Variants in NRXN1 observed in about 807,000 individuals in gnomAD.
NRXN1 encodes the protein neurexin-1.
In NRXN1, 39 loss-of-function variants were observed where a neutral mutation model predicts 150.9. The observed-to-expected ratio is 0.26, with a 90% confidence interval of 0.20 to 0.34. NRXN1 has a LOEUF of 0.34. Ranked by LOEUF, NRXN1 falls within the 10% of genes least tolerant of loss-of-function variation. The pLI, the probability that NRXN1 is intolerant of heterozygous loss-of-function variation, is 1.00. For synonymous variants in NRXN1, 924 were observed against 757.0 expected, an observed-to-expected ratio of 1.22 and a Z score of -3.62; for missense variants, 1,815 against 1,949.9, an observed-to-expected ratio of 0.93 and a Z score of 1.30.
At chr2:50,478,684 T>C (rs1212628408) in intron 15 of NRXN1, among the ~76,000 whole-genome samples, 2 of 152,210 alleles carry the variant, frequency 1.3e-5, no homozygotes, top group Non-Finnish European at 2.9e-5. Context: ...GTCCTGAATT[T>C]CTAGGTCCAG....
chr2:50,255,193 T>C (rs977798113), intron 17 of NRXN1, among the ~76,000 whole-genome samples: 4 of 152,202 alleles, frequency 2.6e-5, no homozygotes, highest in East Asian at 3.9e-4. Flanking sequence ...TGACAAGAAA[T>C]TGTGGGTATC....
At chr2:50,301,092 G>A (rs1307923972) in intron 17 of NRXN1, among the ~76,000 whole-genome samples, 1 of 152,164 alleles carries the variant, frequency 6.6e-6, no homozygotes, top group African/African-American at 2.4e-5. Flanking sequence ...CTCCAGAAAA[G>A]AGCCATCTCA....
At position 50,928,476 on chromosome 2, in the gene NRXN1, T is replaced by C. The variant is rs1687251095; in HGVS notation, c.773-2521A>G. Among the ~76,000 whole-genome samples, 6 of 152,090 alleles carry C rather than the reference T, an allele frequency of 3.9e-5. No individual in the cohort carries two copies. In the South Asian group the frequency reaches 1.0e-3, roughly 26 times the overall value. ...CATTATTTCAGAATTTGGACGTGAT[T>C]ATAACTGGTGGTAGCTCCAGCATTT... On this transcript the variant is annotated intron_variant, in intron 2 of 22. Transcript: ENST00000401669.
intron 17 of NRXN1, among the ~76,000 whole-genome samples, chr2:50,442,158 C>T (rs1454972910): frequency 5.3e-5 from 8 of 152,106 alleles, no homozygotes; most frequent in Admixed American, 5.2e-4. Context: ...TACTTAATAG[C>T]TCTATGATCC....
chr2:50,300,830 G>A (rs752460153), intron 17 of NRXN1, among the ~76,000 whole-genome samples: 2 of 152,076 alleles, frequency 1.3e-5, no homozygotes, highest in African/African-American at 2.4e-5. Flanking sequence ...TGAGTAGCCG[G>A]GATTACAGGC....
intron 2 of NRXN1, among the ~76,000 whole-genome samples, chr2:50,991,657 A>G (rs1367879280): frequency 6.6e-6 from 1 of 152,010 alleles, no homozygotes; most frequent in African/African-American, 2.4e-5. Context: ...CTTGAAGGAG[A>G]AAAACATGGA....
At chr2:50,962,586 C>G (rs937826426) in intron 2 of NRXN1, among the ~76,000 whole-genome samples, 1 of 151,456 alleles carries the variant, frequency 6.6e-6, no homozygotes, top group East Asian at 1.9e-4. Context: ...GCCCTGAGAC[C>G]CAGTCTACAA....
At chr2:50,275,562 G>T (rs951996780) in intron 17 of NRXN1, among the ~76,000 whole-genome samples, 6 of 151,314 alleles carry the variant, frequency 4.0e-5, no homozygotes, top group African/African-American at 9.7e-5. Context: ...GAACATAATT[G>T]TTGCCCCTTG....
intron 5 of NRXN1, among the ~76,000 whole-genome samples, chr2:50,765,855 A>C (rs752631126): frequency 7.2e-5 from 11 of 152,074 alleles, no homozygotes; most frequent in Non-Finnish European, 1.5e-4. Context: ...GAATGGAAAG[A>C]TACAGGTGGA....
At chr2:50,951,685 C>T (rs1691360299) in intron 2 of NRXN1, among the ~76,000 whole-genome samples, 2 of 152,000 alleles carry the variant, frequency 1.3e-5, no homozygotes, top group South Asian at 2.1e-4. Flanking sequence ...AATGTAGCTT[C>T]ATATTCATGC....
chr2:50,700,998 T>A (rs553070750), intron 5 of NRXN1, among the ~76,000 whole-genome samples: 1 of 152,034 alleles, frequency 6.6e-6, no homozygotes, highest in African/African-American at 2.4e-5. Flanking sequence ...TCTTAAATTG[T>A]CCGAAGGGTG....
At chr2:51,026,499 G>T in intron 2 of NRXN1, 1 of 1,462,528 alleles carries the variant, frequency 6.8e-7, no homozygotes, top group Admixed American at 1.9e-5. Flanking sequence ...ACTTAGGTAT[G>T]ACTTTTGTAG....
chr2:51,002,650 G>A (rs747531898), intron 2 of NRXN1, among the ~76,000 whole-genome samples: 5 of 151,724 alleles, frequency 3.3e-5, no homozygotes, highest in African/African-American at 7.3e-5. Context: ...AAATATAACC[G>A]AATGAAAACA....
At chr2:50,006,959 T>C (rs1254791993) in intron 21 of NRXN1, among the ~76,000 whole-genome samples, 1 of 152,160 alleles carries the variant, frequency 6.6e-6, no homozygotes, top group East Asian at 1.9e-4. Flanking sequence ...GATGCTCATC[T>C]ATGAAGATGA....
intron 8 of NRXN1, among the ~76,000 whole-genome samples, chr2:50,591,441 T>G (rs1158877883): frequency 9.9e-5 from 15 of 150,908 alleles, no homozygotes. Context: ...GATAGATAGA[T>G]GTATACTAGT....
chr2:50,246,761 A>G (rs1239287359), intron 17 of NRXN1, among the ~76,000 whole-genome samples: 2 of 152,042 alleles, frequency 1.3e-5, no homozygotes, highest in African/African-American at 4.8e-5. Flanking sequence ...TGCTTTCCAC[A>G]TTCATTCCAG....
At chr2:50,359,687 G>C (rs1180730657) in intron 17 of NRXN1, among the ~76,000 whole-genome samples, 1 of 152,058 alleles carries the variant, frequency 6.6e-6, no homozygotes, top group African/African-American at 2.4e-5. Flanking sequence ...ACACACTTCA[G>C]GATATTATCC....
rs576490797 is a variant in NRXN1, at chr2:50,999,695, T to G, written c.772+27807A>C. 8.0e-4 allele frequency among the ~76,000 whole-genome samples: 122 copies of G among 152,084 alleles called. 1 individual carries two copies. The highest frequency in any genetic ancestry group is 2.7e-3 in the African/African-American group (114 of 41,530). ...GGGAATGACCTCTCCAGCCACCCAG[T>G]AACTCAGGTCAAACATTTTGGAGCC... On this transcript the variant is annotated intron_variant, in intron 2 of 22. Coordinates refer to ENST00000401669, the MANE Select transcript of NRXN1 (RefSeq NM_001330078.2).
chr2:50,672,624 G>A (rs1689018069), intron 5 of NRXN1, among the ~76,000 whole-genome samples: 1 of 151,886 alleles, frequency 6.6e-6, no homozygotes, highest in Non-Finnish European at 1.5e-5. Flanking sequence ...TAAAATGTGA[G>A]TATCAATATT....
Sources: gnomAD v4.1 joint callset for allele counts (sites outside exome capture counted in the v4.1 genomes callset) on GRCh38, gnomAD v4.1.1 for gene constraint, MANE v1.5 for transcripts, NCBI Gene and HGNC (gene_info 2026-07-23, HGNC 2026-07-21) for gene names.